BRINP3: variants seen among roughly 807,000 people sequenced by gnomAD.
BRINP3 encodes the protein BMP/retinoic acid-inducible neural-specific protein 3.
BRINP3 carries 19 observed loss-of-function variants against 71.0 expected under a neutral mutation model. The ratio of observed to expected loss-of-function variants is 0.27; its 90% CI spans 0.19 to 0.39. BRINP3 has a LOEUF of 0.39. Ranked by LOEUF, BRINP3 falls within the 10% of genes least tolerant of loss-of-function variation. The pLI is 1.00. For synonymous variants in BRINP3, 380 were observed against 337.7 expected, an observed-to-expected ratio of 1.13 and a Z score of -1.37; for missense variants, 959 against 940.8, an observed-to-expected ratio of 1.02 and a Z score of -0.25.
At chr1:190,456,124 T>C (rs1675967892) in intron 1 of BRINP3, among the ~76,000 whole-genome samples, 1 of 152,200 alleles carries the variant, frequency 6.6e-6, no homozygotes, top group African/African-American at 2.4e-5. Context: ...ACCATATTTC[T>C]CTGGTATTTG....
chr1:190,345,988 C>T (rs1274543487), intron 2 of BRINP3, among the ~76,000 whole-genome samples: 2 of 151,638 alleles, frequency 1.3e-5, no homozygotes, highest in East Asian at 1.9e-4. Flanking sequence ...ATAGTCACAA[C>T]CTGCATAAGT....
chr1:190,259,890 G>A (rs999184292), intron 4 of BRINP3, among the ~76,000 whole-genome samples: 2 of 151,462 alleles, frequency 1.3e-5, no homozygotes, highest in African/African-American at 2.4e-5. Context: ...TTAGCCAGGC[G>A]TGGTGGCAGG....
At chr1:190,354,120 T>C (rs1226078369) in intron 2 of BRINP3, among the ~76,000 whole-genome samples, 1 of 151,990 alleles carries the variant, frequency 6.6e-6, no homozygotes, top group Non-Finnish European at 1.5e-5. Context: ...TTCTCTGTGA[T>C]GCTTGCTACC....
At chr1:190,379,065 C>T (rs953257561) in intron 2 of BRINP3, among the ~76,000 whole-genome samples, 3 of 152,160 alleles carry the variant, frequency 2.0e-5, no homozygotes, top group African/African-American at 7.2e-5. Flanking sequence ...AATCTCAAAC[C>T]TTTCACAGTT....
At chr1:190,161,631 A>G (rs889964277) in intron 6 of BRINP3, among the ~76,000 whole-genome samples, 4 of 152,096 alleles carry the variant, frequency 2.6e-5, no homozygotes, top group Non-Finnish European at 5.9e-5. Context: ...AACATTAGGA[A>G]TAAAAGTTGA....
intron 2 of BRINP3, among the ~76,000 whole-genome samples, chr1:190,390,917 C>G (rs1671213475): frequency 6.6e-6 from 1 of 151,832 alleles, no homozygotes. Flanking sequence ...GAGTCCCCGG[C>G]TTTTTGTATT....
chr1:190,375,133 T>C (rs1335322816), intron 2 of BRINP3, among the ~76,000 whole-genome samples: 1 of 152,010 alleles, frequency 6.6e-6, no homozygotes, highest in Non-Finnish European at 1.5e-5. Flanking sequence ...TGTAGTAATT[T>C]GGGAAAATAC....
chr1:190,412,393 TATTATATA>T (rs1036232347), intron 2 of BRINP3, among the ~76,000 whole-genome samples: 2 of 68,972 alleles, frequency 2.9e-5, no homozygotes, highest in African/African-American at 9.0e-5. Context: ...GATATATATA[TATTATATA>T]TATATATATA....
At chr1:190,196,118 A>G (rs1047632642) in intron 6 of BRINP3, among the ~76,000 whole-genome samples, 1 of 152,110 alleles carries the variant, frequency 6.6e-6, no homozygotes, top group African/African-American at 2.4e-5. Flanking sequence ...AGTTTCTATC[A>G]CTATAAAGCA....
rs879853753 is a variant in BRINP3, at chr1:190,188,762, C to CT, written c.962-27873dup. 3.9e-3 allele frequency among the ~76,000 whole-genome samples: 573 copies of CT among 145,814 alleles called. 2 individuals carry two copies. Among genetic ancestry groups the CT allele is most frequent in the Non-Finnish European group, 5.1e-3 (336 of 65,928 alleles). On this transcript the variant is annotated intron_variant, in intron 6 of 7. Coordinates refer to ENST00000367462, the MANE Select transcript of BRINP3 (RefSeq NM_199051.3). ...GCTGTCATGTTTGGCTTGCTGGTATCTTTTTTTTTTTTCACATGGTGGAGT... is the reference window on the plus strand; with the variant it reads ...GCTGTCATGTTTGGCTTGCTGGTATCTTTTTTTTTTTTTCACATGGTGGAGT...
At chr1:190,129,585 T>G (rs1204377842) in intron 7 of BRINP3, among the ~76,000 whole-genome samples, 1 of 151,924 alleles carries the variant, frequency 6.6e-6, no homozygotes, top group Non-Finnish European at 1.5e-5. Context: ...GCAGCATGCT[T>G]AGTGTGAAGA....
At chr1:190,188,379 T>C (rs1653728473) in intron 6 of BRINP3, among the ~76,000 whole-genome samples, 1 of 152,220 alleles carries the variant, frequency 6.6e-6, no homozygotes. Context: ...TTAATTGCTC[T>C]TGCTAAGATC....
intron 7 of BRINP3, among the ~76,000 whole-genome samples, chr1:190,112,861 C>A (rs1281202645): frequency 6.6e-6 from 1 of 151,914 alleles, no homozygotes; most frequent in Non-Finnish European, 1.5e-5. Context: ...AGGAAAGAAC[C>A]CAGGATTAAA....
chr1:190,320,295 CG>C (rs1210633401), intron 2 of BRINP3, among the ~76,000 whole-genome samples: 2 of 151,838 alleles, frequency 1.3e-5, no homozygotes, highest in African/African-American at 2.4e-5. Context: ...ATTATTTACT[CG>C]ATTTTTAGTG....
chr1:190,248,148 T>G (rs1279767254), intron 4 of BRINP3, among the ~76,000 whole-genome samples: 3 of 151,866 alleles, frequency 2.0e-5, no homozygotes, highest in Non-Finnish European at 2.9e-5. Context: ...TAATTTTAGT[T>G]ATTTTAGTGG....
Position 190,196,547 on chromosome 1 carries a change from G to A in BRINP3, c.961+29535C>T, listed in dbSNP as rs139251621. ...CCAAGAGAGAAGCACATATCTAGGC[G>A]TTAATAATGAGACATTAAAATAAAG... On this transcript the variant is annotated intron_variant, in intron 6 of 7. Coordinates refer to ENST00000367462, the MANE Select transcript of BRINP3 (RefSeq NM_199051.3). Among the ~76,000 whole-genome samples, 843 of 152,136 alleles carry A rather than the reference G, an allele frequency of 5.5e-3. 5 individuals are homozygous for A. Among genetic ancestry groups the A allele is most frequent in the African/African-American group, 0.018 (756 of 41,536 alleles).
intron 2 of BRINP3, among the ~76,000 whole-genome samples, chr1:190,295,568 A>T (rs1314135296): frequency 6.6e-6 from 1 of 152,162 alleles, no homozygotes; most frequent in African/African-American, 2.4e-5. Flanking sequence ...AGGCCACTGT[A>T]GTCAGGTAGT....
At chr1:190,135,003 T>A (rs1467316533) in intron 7 of BRINP3, among the ~76,000 whole-genome samples, 1 of 152,088 alleles carries the variant, frequency 6.6e-6, no homozygotes, top group East Asian at 1.9e-4. Context: ...GATTTTAGCA[T>A]CTAGAATAGT....
At chr1:190,245,466 C>G (rs912364058) in intron 4 of BRINP3, among the ~76,000 whole-genome samples, 2 of 151,920 alleles carry the variant, frequency 1.3e-5, no homozygotes, top group Non-Finnish European at 2.9e-5. Context: ...CTGGCCCAAA[C>G]TCTCTGCAAT....
Sources: allele counts gnomAD v4.1 joint callset (sites outside exome capture counted in the v4.1 genomes callset), GRCh38; gene constraint gnomAD v4.1.1; transcripts MANE v1.5; gene names NCBI Gene and HGNC (gene_info 2026-07-23, HGNC 2026-07-21).